LINGO2: variants seen among roughly 807,000 people sequenced by gnomAD.
The protein encoded by LINGO2 is leucine-rich repeat and immunoglobulin-like domain-containing nogo receptor-interacting protein 2.
In LINGO2, 14 loss-of-function variants were observed where a neutral mutation model predicts 30.6. That is an observed-to-expected ratio of 0.46 (90% confidence interval 0.30 to 0.72). The LOEUF (loss-of-function observed/expected upper bound fraction) is 0.72, where lower values mean the gene tolerates loss of function less well. Among genes scored for constraint, LINGO2 ranks in the 30% least tolerant of loss-of-function variants. The pLI is 0.07. For synonymous variants in LINGO2, 317 were observed against 288.5 expected, an observed-to-expected ratio of 1.10 and a Z score of -1.00; for missense variants, 729 against 751.7, an observed-to-expected ratio of 0.97 and a Z score of 0.35.
the LINGO2 span, among the ~76,000 whole-genome samples, chr9:28,862,425 A>G: frequency 6.6e-6 from 1 of 152,146 alleles, no homozygotes; most frequent in African/African-American, 2.4e-5. Flanking sequence ...GGTTAAAAGT[A>G]TACATATTGA....
At chr9:28,690,717 G>T in the LINGO2 span, among the ~76,000 whole-genome samples, 3 of 152,132 alleles carry the variant, frequency 2.0e-5, no homozygotes, top group Middle Eastern at 3.4e-3. Flanking sequence ...TTAATCAGAT[G>T]AATTCCCCAG....
intron 3 of LINGO2, among the ~76,000 whole-genome samples, chr9:28,349,912 G>A (rs1463071671): frequency 1.3e-5 from 2 of 152,098 alleles, no homozygotes; most frequent in Non-Finnish European, 2.9e-5. Context: ...CTTCATAAGT[G>A]AAGGAGAAAT....
the LINGO2 span, among the ~76,000 whole-genome samples, chr9:29,189,336 G>A: frequency 1.3e-5 from 2 of 151,746 alleles, no homozygotes; most frequent in African/African-American, 2.4e-5. Context: ...CTTCCCAGAC[G>A]GGGTGGCTGC....
intron 3 of LINGO2, among the ~76,000 whole-genome samples, chr9:28,355,042 T>C (rs956852471): frequency 6.6e-6 from 1 of 152,160 alleles, no homozygotes; most frequent in African/African-American, 2.4e-5. Flanking sequence ...CTAACAAACT[T>C]ACCCAAAACA....
chr9:28,961,100 T>C, the LINGO2 span, among the ~76,000 whole-genome samples: 1 of 152,166 alleles, frequency 6.6e-6, no homozygotes, highest in South Asian at 2.1e-4. Context: ...ACATTGGTAA[T>C]AGTAGAAATC....
At position 28,157,803 on chromosome 9, in the gene LINGO2, G is replaced by A. The variant is rs184193806; in HGVS notation, c.-87+137405C>T. On this transcript the variant is annotated intron_variant, in intron 4 of 5. Coordinates refer to ENST00000379992, the Ensembl canonical transcript of LINGO2. ...TCCAGGGCAGGGGCAAAATGCCACCGGTCTCAGGGAAGAGTCACCTTTGCT... is the reference window on the plus strand; with the variant it reads ...TCCAGGGCAGGGGCAAAATGCCACCAGTCTCAGGGAAGAGTCACCTTTGCT... 2.3e-3 allele frequency among the ~76,000 whole-genome samples: 348 copies of A among 152,108 alleles called. 2 individuals carry two copies. The highest frequency in any genetic ancestry group is 0.015 in the South Asian group (73 of 4,812).
chr9:28,861,240 TA>T, the LINGO2 span, among the ~76,000 whole-genome samples: 3 of 113,828 alleles, frequency 2.6e-5, no homozygotes, highest in African/African-American at 1.1e-4. Flanking sequence ...ATATAATATA[TA>T]TTTTTTATAC....
chr9:28,529,563 AT>A (rs1161908773), intron 1 of LINGO2, among the ~76,000 whole-genome samples: 7 of 150,374 alleles, frequency 4.7e-5, no homozygotes, highest in Non-Finnish European at 8.9e-5. Context: ...TAACTAAACT[AT>A]TCCTTCAGGC....
chr9:28,715,281 A>G, the LINGO2 span, among the ~76,000 whole-genome samples: 2 of 152,166 alleles, frequency 1.3e-5, no homozygotes, highest in African/African-American at 4.8e-5. Flanking sequence ...TGTAAAATGC[A>G]ATACCTTTAT....
chr9:28,718,768 T>G, the LINGO2 span, among the ~76,000 whole-genome samples: 121 of 152,200 alleles, frequency 8.0e-4, no homozygotes, highest in African/African-American at 2.8e-3. Flanking sequence ...GCTCTAGCTT[T>G]GCTGACAATG....
chr9:28,880,773 A>G, the LINGO2 span, among the ~76,000 whole-genome samples: 7 of 152,294 alleles, frequency 4.6e-5, no homozygotes, highest in African/African-American at 7.2e-5. Context: ...CATTTGTTCA[A>G]TTCTAAGATA....
chr9:28,965,839 T>C, the LINGO2 span, among the ~76,000 whole-genome samples: 1 of 152,232 alleles, frequency 6.6e-6, no homozygotes, highest in South Asian at 2.1e-4. Flanking sequence ...TAAATATAAA[T>C]ATATCCATGT....
chr9:29,172,615 A>T, the LINGO2 span, among the ~76,000 whole-genome samples: 2 of 151,982 alleles, frequency 1.3e-5, no homozygotes, highest in African/African-American at 2.4e-5. Flanking sequence ...ATGCAAAACT[A>T]CAGAAGAAAA....
the LINGO2 span, among the ~76,000 whole-genome samples, chr9:29,164,484 C>T: frequency 7.6e-6 from 1 of 130,762 alleles, no homozygotes; most frequent in African/African-American, 2.9e-5. Flanking sequence ...TTTCATAACT[C>T]AAAATCATAC....
the LINGO2 span, among the ~76,000 whole-genome samples, chr9:29,072,523 T>C: frequency 6.6e-6 from 1 of 151,422 alleles, no homozygotes; most frequent in Admixed American, 6.6e-5. Context: ...ATTATATGTG[T>C]ATTTTATATT....
chr9:28,763,790 AAG>A, the LINGO2 span, among the ~76,000 whole-genome samples: 31 of 149,970 alleles, frequency 2.1e-4, no homozygotes, highest in Admixed American at 2.0e-4. Flanking sequence ...TAATTAGAGG[AAG>A]AGAGAGAGAG....
intron 5 of LINGO2, among the ~76,000 whole-genome samples, chr9:27,996,097 AT>A (rs201574875): frequency 0.013 from 1,931 of 152,274 alleles, 44 homozygotes; most frequent in African/African-American, 0.044. Context: ...ATATCATTTC[AT>A]CCCCATTAAA....
the LINGO2 span, among the ~76,000 whole-genome samples, chr9:28,993,034 T>C: frequency 6.6e-6 from 1 of 151,508 alleles, no homozygotes; most frequent in Non-Finnish European, 1.5e-5. Context: ...CTGAAGGAAA[T>C]AGAGACACAA....
rs893474066 is a variant in LINGO2, at chr9:28,287,606, G to A, written c.-87+7602C>T. Among the ~76,000 whole-genome samples, 12 of 152,174 alleles carry A rather than the reference G, an allele frequency of 7.9e-5. No individual in the cohort carries two copies. In the East Asian group the frequency reaches 9.6e-4, roughly 12 times the overall value. On this transcript the variant is annotated intron_variant, in intron 4 of 5. Coordinates refer to ENST00000379992, the Ensembl canonical transcript of LINGO2. ...TGCCTGCAGTGCATGCCGTGTTCTCGAGGAGGAAACACAGTGATTGATGTG... is the reference window on the plus strand; with the variant it reads ...TGCCTGCAGTGCATGCCGTGTTCTCAAGGAGGAAACACAGTGATTGATGTG...
Sources: gnomAD v4.1 joint callset for allele counts (sites outside exome capture counted in the v4.1 genomes callset) on GRCh38, gnomAD v4.1.1 for gene constraint, MANE v1.5 for transcripts, NCBI Gene and HGNC (gene_info 2026-07-23, HGNC 2026-07-21) for gene names.